The following WNT9B variants were observed in gnomAD, a reference collection of about 807,000 sequenced individuals.
WNT9B encodes Wnt family member 9B, also known as protein Wnt-9b.
In WNT9B, 12 loss-of-function variants were observed where a neutral mutation model predicts 30.2. The ratio of observed to expected loss-of-function variants is 0.40; its 90% CI spans 0.26 to 0.64. The LOEUF (loss-of-function observed/expected upper bound fraction) is 0.64, where lower values mean the gene tolerates loss of function less well. Ranked by LOEUF, WNT9B falls within the 30% of genes least tolerant of loss-of-function variation. The pLI is 0.42. For missense variants in WNT9B, 442 were observed against 485.2 expected (o/e 0.91, Z 0.84); for synonymous variants, 218 against 216.9 (o/e 1.01, Z -0.05).
At chr17:46,849,208 C>T (rs1215793994), upstream of WNT9B, among the ~76,000 whole-genome samples, 1 of 152,246 alleles carries the variant, frequency 6.6e-6, no homozygotes, top group Admixed American at 6.5e-5. Context: ...CCTCGTGTTT[C>T]TCACTCTCCA....
upstream of WNT9B, among the ~76,000 whole-genome samples, chr17:46,848,954 C>T (rs759290097): frequency 1.1e-4 from 15 of 135,452 alleles, no homozygotes; most frequent in Non-Finnish European, 1.7e-4. Context: ...ACACACAGAG[C>T]TTGGTACACA....
At chr17:46,839,388 CGTGGT>C (rs961164795) in intron 1 of WNT9B, among the ~76,000 whole-genome samples, 2 of 152,172 alleles carry the variant, frequency 1.3e-5, no homozygotes, top group Non-Finnish European at 1.5e-5. Flanking sequence ...GCAGCACTGG[CGTGGT>C]GTCCACTTTT....
intron 1 of WNT9B, among the ~76,000 whole-genome samples, chr17:46,852,911 GA>G (rs1885788375): frequency 6.6e-6 from 1 of 152,088 alleles, no homozygotes; most frequent in African/African-American, 2.4e-5. Flanking sequence ...ACCCCTGGTG[GA>G]AACATGTCTG....
chr17:46,851,179 C>G (rs1193399660), upstream of WNT9B, among the ~76,000 whole-genome samples: 1 of 151,994 alleles, frequency 6.6e-6, no homozygotes, highest in Non-Finnish European at 1.5e-5. The surrounding 1 kb of genome is among the most constrained non-coding windows in gnomAD (Gnocchi z 4.3). Context: ...TCCACCGACT[C>G]CAGATGCGTC....
chr17:46,857,713 T>C (rs1386060537), intron 1 of WNT9B, among the ~76,000 whole-genome samples: 1 of 152,200 alleles, frequency 6.6e-6, no homozygotes, highest in Non-Finnish European at 1.5e-5. Flanking sequence ...GAGTTCCAGT[T>C]GCTCCATATT....
chr17:46,836,339 T>G (rs1328789290), intron 1 of WNT9B, among the ~76,000 whole-genome samples: 1 of 152,188 alleles, frequency 6.6e-6, no homozygotes, highest in African/African-American at 2.4e-5. Context: ...TTTTTGAACT[T>G]CATTCATGAA....
chr17:46,871,838 C>T (rs2085249246), intron 1 of WNT9B, among the ~76,000 whole-genome samples: 1 of 152,192 alleles, frequency 6.6e-6, no homozygotes, highest in African/African-American at 2.4e-5. Context: ...TCCTTCCTTC[C>T]CTTCTCTTTC....
chr17:46,860,234 A>T (rs1199734350), intron 1 of WNT9B, among the ~76,000 whole-genome samples: 3 of 152,000 alleles, frequency 2.0e-5, no homozygotes, highest in Middle Eastern at 3.2e-3. Context: ...TGAGGACGGG[A>T]AGGAGGAGAG....
chr17:46,850,940 G>T (rs1424964008), upstream of WNT9B, among the ~76,000 whole-genome samples: 2 of 152,182 alleles, frequency 1.3e-5, no homozygotes, highest in Non-Finnish European at 2.9e-5. Context: ...CACGCTGCGC[G>T]CCTCGCCGGT....
chr17:46,836,022 G>C (rs2084624819), intron 1 of WNT9B, among the ~76,000 whole-genome samples: 1 of 152,006 alleles, frequency 6.6e-6, no homozygotes, highest in Non-Finnish European at 1.5e-5. Flanking sequence ...TTCTGGATGG[G>C]GCCTGCGAGG....
At chr17:46,870,361 C>G (rs1479323428) in intron 1 of WNT9B, among the ~76,000 whole-genome samples, 4 of 152,222 alleles carry the variant, frequency 2.6e-5, no homozygotes, top group African/African-American at 9.6e-5. Flanking sequence ...CAGTTCTTCT[C>G]TGGACCTGCC....
intron 1 of WNT9B, among the ~76,000 whole-genome samples, chr17:46,869,716 G>A (rs771315632): frequency 1.3e-5 from 2 of 152,170 alleles, no homozygotes; most frequent in Non-Finnish European, 2.9e-5. Context: ...AACACAGCTT[G>A]GGCAGGGTGC....
chr17:46,865,699 T>C (rs2085121993), intron 1 of WNT9B, among the ~76,000 whole-genome samples: 1 of 152,164 alleles, frequency 6.6e-6, no homozygotes, highest in Non-Finnish European at 1.5e-5. Context: ...CACTGCAGCC[T>C]TGACCTCCTG....
At chr17:46,844,619 G>A (rs1442731574) in intron 1 of WNT9B, among the ~76,000 whole-genome samples, 2 of 152,102 alleles carry the variant, frequency 1.3e-5, no homozygotes, top group African/African-American at 2.4e-5. Flanking sequence ...CTTCAAGATG[G>A]GACCCCTTTC....
rs554292532 is a variant in WNT9B at position 46,865,030 on chromosome 17, T to A, written c.78-7487T>A. On this transcript the variant is annotated intron_variant, in intron 1 of 3. Transcript: ENST00000290015. ...GTTTACAGTCACAGACTCATAGAGG[T>A]GATGGATCCTTCTTTGCAGGAATGA... Among the ~76,000 whole-genome samples, 154 of 152,180 alleles carry A rather than the reference T, an allele frequency of 1.0e-3. 1 individual carries two copies. The Middle Eastern group carries it at 0.01, about 10-fold the overall frequency.
At chr17:46,861,980 A>G (rs2085045015) in intron 1 of WNT9B, among the ~76,000 whole-genome samples, 1 of 152,126 alleles carries the variant, frequency 6.6e-6, no homozygotes, top group East Asian at 1.9e-4. Flanking sequence ...CCTGGCCAAC[A>G]TGGTGAAACC....
At position 46,876,250 on chromosome 17, in the gene WNT9B, G is replaced by A. The variant is rs1444371390; in HGVS notation, c.606G>A (p.Val202=). 3.7e-6 allele frequency: 6 copies of A among 1,606,580 alleles called. No homozygotes were observed. In the Middle Eastern group the frequency reaches 5.0e-4, roughly 133 times the overall value. Residue 202 remains valine (V), a synonymous_variant, in exon 4 of 4, where the codon GTG becomes GTA. Transcript: ENST00000290015. ...AHNTHVGIKA[V]KSGLRTTCKC... is the part of the protein sequence containing the mutation. Reference sequence around the variant, plus strand: ...CTGTTCTGCCTCCCCCACAGGCTGTGAAGAGTGGCCTCAGGACCACGTGTA... The same window carrying A: ...CTGTTCTGCCTCCCCCACAGGCTGTAAAGAGTGGCCTCAGGACCACGTGTA...
intron 1 of WNT9B, among the ~76,000 whole-genome samples, chr17:46,839,758 C>G (rs549151279): frequency 3.9e-5 from 6 of 152,174 alleles, no homozygotes; most frequent in African/African-American, 1.4e-4. Flanking sequence ...TCAGTTCCCA[C>G]CTATGAGAAC....
chr17:46,858,713 A>T (rs1431151685), intron 1 of WNT9B, among the ~76,000 whole-genome samples: 1 of 152,154 alleles, frequency 6.6e-6, no homozygotes, highest in Non-Finnish European at 1.5e-5. Flanking sequence ...CTCACAAGGA[A>T]ACTAAATGTG....
Sources: gnomAD v4.1 joint callset for allele counts (sites outside exome capture counted in the v4.1 genomes callset) on GRCh38, gnomAD v4.1.1 for gene constraint, Gnocchi (gnomAD v3.1) non-coding constraint, MANE v1.5 for transcripts, NCBI Gene and HGNC (gene_info 2026-07-23, HGNC 2026-07-21) for gene names.